The following NLRP11 variants were observed in gnomAD, a reference collection of about 807,000 sequenced individuals.
The protein encoded by NLRP11 is NACHT, LRR and PYD domains-containing protein 11.
A neutral mutation model predicts 79.3 loss-of-function variants in NLRP11; 53 were observed. That is an observed-to-expected ratio of 0.67 (90% CI 0.54 to 0.84). The LOEUF is 0.84. Among genes scored for constraint, NLRP11 ranks in the 40% least tolerant of loss-of-function variants. The pLI is 0.00. For synonymous variants in NLRP11, 518 were observed against 462.6 expected, an observed-to-expected ratio of 1.12 and a Z score of -1.54; for missense variants, 1,264 against 1,255.0, an observed-to-expected ratio of 1.01 and a Z score of -0.11.
At chr19:55,794,445 T>C (rs961433241) in intron 6 of NLRP11, among the ~76,000 whole-genome samples, 36 of 152,128 alleles carry the variant, frequency 2.4e-4, no homozygotes, top group Admixed American at 6.5e-5. Flanking sequence ...TGGGGCCACA[T>C]GGATCTTAGA....
intron 4 of NLRP11, among the ~76,000 whole-genome samples, chr19:55,804,686 A>G (rs1187242574): frequency 1.3e-5 from 2 of 152,206 alleles, no homozygotes; most frequent in Non-Finnish European, 2.9e-5. Flanking sequence ...TAGTCTATAT[A>G]CAAAATATGT....
At chr19:55,796,917 G>T (rs185955328) in intron 5 of NLRP11, among the ~76,000 whole-genome samples, 1 of 151,932 alleles carries the variant, frequency 6.6e-6, no homozygotes. Context: ...TTGAACTCCC[G>T]GCCTCAGGGG....
At position 55,797,478 on chromosome 19, in the gene NLRP11, T is replaced by A. The variant is rs563048961; in HGVS notation, c.2172-1228A>T. On this transcript the variant is annotated intron_variant, in intron 5 of 9. Transcript: ENST00000589093. ...GTTATTTTCAGGCATTGTATGAAGT[T>A]CCTGGGATACAGCAGAAAACTGGAA... 4.6e-5 allele frequency among the ~76,000 whole-genome samples: 7 copies of A among 152,294 alleles called. No individual in the cohort carries two copies. The South Asian group carries it at 1.5e-3, about 32-fold the overall frequency.
chr19:55,791,305 A>C (rs1479418859), intron 7 of NLRP11, among the ~76,000 whole-genome samples: 1 of 152,186 alleles, frequency 6.6e-6, no homozygotes, highest in Admixed American at 6.5e-5. Flanking sequence ...GAGTTATATT[A>C]TTTTCCCCAA....
chr19:55,808,477 G>A (rs1375586736), intron 3 of NLRP11, among the ~76,000 whole-genome samples: 1 of 152,022 alleles, frequency 6.6e-6, no homozygotes, highest in Non-Finnish European at 1.5e-5. Flanking sequence ...GGGAAAAGGG[G>A]ACCCTACTGG....
At chr19:55,796,005 T>C in intron 6 of NLRP11, 75 bp downstream of exon 6, 1 of 1,343,044 alleles carries the variant, frequency 7.4e-7, no homozygotes, top group Non-Finnish European at 1.0e-6. Context: ...TCCCCACCAC[T>C]GCTCTTTGAT....
chr19:55,809,614 G>C lies in NLRP11; in HGVS notation c.996C>G (p.Leu332=), dbSNP rs758199850. ...AGATGGCGACTCGGCACAGACCCACGAGTATTTCATCCTCATGTACAAGCT... is the reference window on the plus strand; with the variant it reads ...AGATGGCGACTCGGCACAGACCCACCAGTATTTCATCCTCATGTACAAGCT... Residue 332 remains leucine (L), a synonymous_variant, in exon 3 of 10, where the codon CTC becomes CTG. Coordinates refer to ENST00000589093, the Ensembl canonical transcript of NLRP11. This position sits in a 1 kb window ranked among gnomAD's most constrained non-coding sequence, Gnocchi z 4.5. 1.2e-6 allele frequency: 2 copies of C among 1,614,192 alleles called. No homozygotes were observed. The highest frequency in any genetic ancestry group is 8.5e-7 in the Non-Finnish European group (1 of 1,180,034).
chr19:55,804,368 C>T (rs2122787053), intron 4 of NLRP11, among the ~76,000 whole-genome samples: 1 of 152,142 alleles, frequency 6.6e-6, no homozygotes, highest in Admixed American at 6.5e-5. Flanking sequence ...CAACCTAATG[C>T]CTAGCAACAA....
chr19:55,789,398 G>A, exon 8 of NLRP11: 1 of 1,610,524 alleles, frequency 6.2e-7, no homozygotes, highest in Non-Finnish European at 8.5e-7. Context: ...CAGCCAGACA[G>A]ACTGCAAAAC....
intron 6 of NLRP11, among the ~76,000 whole-genome samples, chr19:55,795,183 A>G (rs1301681953): frequency 6.6e-6 from 1 of 152,148 alleles, no homozygotes; most frequent in Non-Finnish European, 1.5e-5. Flanking sequence ...ACCTTCCGGA[A>G]GTCTGCCTTT....
chr19:55,785,534 C>A, exon 10 of NLRP11: 1 of 1,095,672 alleles, frequency 9.1e-7, no homozygotes, highest in Non-Finnish European at 1.3e-6. Flanking sequence ...CACACACACA[C>A]ACACATCAAA....
At chr19:55,797,389 C>T (rs560178146) in intron 5 of NLRP11, among the ~76,000 whole-genome samples, 1 of 152,348 alleles carries the variant, frequency 6.6e-6, no homozygotes, top group East Asian at 1.9e-4. Flanking sequence ...TTCAACTTGT[C>T]ACTCAATATT....
chr19:55,811,888 G>A (rs1453473065), intron 2 of NLRP11, among the ~76,000 whole-genome samples: 1 of 151,728 alleles, frequency 6.6e-6, no homozygotes, highest in African/African-American at 2.4e-5. Flanking sequence ...ATCATACATA[G>A]TTTACAAATA....
intron 1 of NLRP11, among the ~76,000 whole-genome samples, chr19:55,823,075 C>T (rs1279453670): frequency 1.2e-3 from 175 of 147,870 alleles, no homozygotes; most frequent in African/African-American, 4.0e-3. Flanking sequence ...TGAGAACCAG[C>T]AGACTGCCTC....
chr19:55,788,435 T>C (rs574616858), intron 9 of NLRP11, among the ~76,000 whole-genome samples: 1 of 150,996 alleles, frequency 6.6e-6, no homozygotes, highest in South Asian at 2.1e-4. Flanking sequence ...CTAGACCATC[T>C]CAACACAGAA....
chr19:55,791,855 C>T (rs1258267176), intron 7 of NLRP11, among the ~76,000 whole-genome samples: 1 of 152,134 alleles, frequency 6.6e-6, no homozygotes, highest in Non-Finnish European at 1.5e-5. Flanking sequence ...GTACCAGTGG[C>T]TTGGATATGG....
At chr19:55,833,723 A>T (rs905400642), upstream of NLRP11, among the ~76,000 whole-genome samples, 1 of 138,332 alleles carries the variant, frequency 7.2e-6, no homozygotes, top group South Asian at 2.4e-4. Flanking sequence ...AGCCGAGATC[A>T]GGCCACCGCA....
At chr19:55,822,612 G>C (rs1407707778) in intron 1 of NLRP11, among the ~76,000 whole-genome samples, 2 of 152,136 alleles carry the variant, frequency 1.3e-5, no homozygotes, top group Non-Finnish European at 2.9e-5. Flanking sequence ...AAGCGCGAGG[G>C]GTCAGGGAGT....
At chr19:55,798,013 T>TTTGG (rs1222849423) in intron 5 of NLRP11, among the ~76,000 whole-genome samples, 1 of 151,118 alleles carries the variant, frequency 6.6e-6, no homozygotes, top group African/African-American at 2.4e-5. Flanking sequence ...TTTTTTTTTT[T>TTTGG]GAGATGGAGT....
Sources: gnomAD v4.1 joint callset for allele counts (sites outside exome capture counted in the v4.1 genomes callset) on GRCh38, gnomAD v4.1.1 for gene constraint, Gnocchi (gnomAD v3.1) non-coding constraint, MANE v1.5 for transcripts, NCBI Gene and HGNC (gene_info 2026-07-23, HGNC 2026-07-21) for gene names.